The following ADAMTSL1 variants were observed in gnomAD, a reference collection of about 807,000 sequenced individuals.
ADAMTSL1 encodes ADAMTS-like protein 1.
A neutral mutation model predicts 201.8 loss-of-function variants in ADAMTSL1; 126 were observed. The ratio of observed to expected loss-of-function variants is 0.62; its 90% CI spans 0.54 to 0.72. ADAMTSL1 has a LOEUF of 0.72. ADAMTSL1 is among the 30% of genes least tolerant of loss of function. The probability of loss-of-function intolerance (pLI) is 0.00; values close to 1 mark genes in which losing one functional copy is unlikely to be tolerated. For synonymous variants in ADAMTSL1, 1,121 were observed against 903.4 expected (o/e 1.24, Z -4.32); for missense variants, 2,679 against 2,277.8 (o/e 1.18, Z -3.59).
At chr9:18,407,587 T>G (rs762948268) in intron 2 of ADAMTSL1, among the ~76,000 whole-genome samples, 2 of 151,870 alleles carry the variant, frequency 1.3e-5, no homozygotes, top group Non-Finnish European at 2.9e-5. Flanking sequence ...GAAGAGAAAA[T>G]TCCAAGAATA....
intron 23 of ADAMTSL1, among the ~76,000 whole-genome samples, chr9:18,881,147 C>T (rs954304910): frequency 3.9e-5 from 6 of 152,184 alleles, no homozygotes; most frequent in African/African-American, 1.4e-4. Context: ...AAACTTTCTT[C>T]GTATCAGCAA....
intron 1 of ADAMTSL1, among the ~76,000 whole-genome samples, chr9:17,999,287 G>A (rs903266933): frequency 6.6e-6 from 1 of 151,908 alleles, no homozygotes; most frequent in African/African-American, 2.4e-5. Flanking sequence ...GTTTAGACCA[G>A]AGGCTAGAAC....
intron 1 of ADAMTSL1, among the ~76,000 whole-genome samples, chr9:17,953,044 T>TC (rs924465299): frequency 1.3e-5 from 2 of 151,740 alleles, no homozygotes; most frequent in African/African-American, 4.8e-5. Context: ...TTTTTTTTTT[T>TC]TGGAATCACA....
At chr9:18,338,828 A>G (rs71506873) in intron 2 of ADAMTSL1, among the ~76,000 whole-genome samples, 13,342 of 151,934 alleles carry the variant, frequency 0.088, 765 homozygotes, top group East Asian at 0.23. Context: ...CTTTGTGTCC[A>G]TATGTACTCA....
At chr9:18,153,768 G>C (rs1827025580) in intron 1 of ADAMTSL1, among the ~76,000 whole-genome samples, 1 of 151,932 alleles carries the variant, frequency 6.6e-6, no homozygotes, top group African/African-American at 2.4e-5. Flanking sequence ...AACATGTATA[G>C]AATAACACAG....
At chr9:18,686,052 G>A (rs1464229156) in intron 13 of ADAMTSL1, among the ~76,000 whole-genome samples, 1 of 151,888 alleles carries the variant, frequency 6.6e-6, no homozygotes, top group African/African-American at 2.4e-5. Context: ...CCGAGTAGCT[G>A]GGACTACAGG....
chr9:18,461,509 C>T (rs1820805591), intron 2 of ADAMTSL1, among the ~76,000 whole-genome samples: 8 of 152,008 alleles, frequency 5.3e-5, no homozygotes, highest in Admixed American at 5.2e-4. Flanking sequence ...TAGACATGTT[C>T]AATATGTCAT....
chr9:18,008,849 C>A (rs912957209), intron 1 of ADAMTSL1, among the ~76,000 whole-genome samples: 3 of 151,914 alleles, frequency 2.0e-5, no homozygotes, highest in African/African-American at 7.2e-5. Context: ...ACAGGAGATT[C>A]AGAACTGATT....
chr9:18,807,468 C>G (rs1260217623), intron 20 of ADAMTSL1, among the ~76,000 whole-genome samples: 2 of 151,882 alleles, frequency 1.3e-5, no homozygotes, highest in Admixed American at 6.6e-5. Context: ...CACGGTGAAA[C>G]CCCGTCTCTA....
At chr9:18,013,334 G>C (rs1820130655) in intron 1 of ADAMTSL1, among the ~76,000 whole-genome samples, 2 of 152,048 alleles carry the variant, frequency 1.3e-5, no homozygotes, top group South Asian at 4.1e-4. Context: ...CTTTTTTAAT[G>C]GTCAGGAGGA....
intron 11 of ADAMTSL1, 109 bp from the exon 12 acceptor site, chr9:18,681,703 G>GGGT (rs1554728690): frequency 1.4e-6 from 1 of 710,278 alleles, no homozygotes; most frequent in Non-Finnish European, 2.0e-6. Context: ...CGTGTGGGGG[G>GGGT]GGGGGGCGGG....
chr9:18,566,724 A>G (rs1363447081), intron 3 of ADAMTSL1, among the ~76,000 whole-genome samples: 1 of 152,132 alleles, frequency 6.6e-6, no homozygotes, highest in Non-Finnish European at 1.5e-5. Flanking sequence ...GACTGGAGCT[A>G]AGTGAGCAAG....
chr9:18,719,035 T>A (rs1377650058), intron 14 of ADAMTSL1, among the ~76,000 whole-genome samples: 1 of 152,216 alleles, frequency 6.6e-6, no homozygotes, highest in African/African-American at 2.4e-5. Context: ...ACCTTAATAA[T>A]ACTAGACTAT....
intron 2 of ADAMTSL1, among the ~76,000 whole-genome samples, chr9:18,531,394 G>A (rs1475020779): frequency 6.6e-6 from 1 of 152,236 alleles, no homozygotes. Flanking sequence ...AATGGGACAT[G>A]CAGGACTTGA....
intron 23 of ADAMTSL1, among the ~76,000 whole-genome samples, chr9:18,879,485 C>G (rs1419799715): frequency 1.3e-5 from 2 of 152,164 alleles, no homozygotes; most frequent in Admixed American, 1.3e-4. Context: ...CAGTTACAGA[C>G]CACTGCAATA....
At chr9:18,346,259 C>G (rs1020343313) in intron 2 of ADAMTSL1, among the ~76,000 whole-genome samples, 7 of 152,142 alleles carry the variant, frequency 4.6e-5, no homozygotes, top group Non-Finnish European at 1.0e-4. Context: ...TATTAATGTT[C>G]CTAGACACTG....
chr9:18,306,430 G>A (rs1006978305), intron 2 of ADAMTSL1, among the ~76,000 whole-genome samples: 16 of 152,114 alleles, frequency 1.1e-4, no homozygotes, highest in African/African-American at 3.1e-4. Flanking sequence ...CCAATGCAAG[G>A]AAGCTAAGAA....
intron 1 of ADAMTSL1, among the ~76,000 whole-genome samples, chr9:18,103,709 G>C (rs555988800): frequency 3.3e-5 from 5 of 152,074 alleles, no homozygotes; most frequent in Non-Finnish European, 7.4e-5. Flanking sequence ...TGTCATATGA[G>C]GAATTTTTTT....
intron 2 of ADAMTSL1, among the ~76,000 whole-genome samples, chr9:18,465,303 C>G (rs1249684099): frequency 1.3e-5 from 2 of 152,208 alleles, no homozygotes; most frequent in South Asian, 4.1e-4. Context: ...TCCTGCCACC[C>G]TGTATTGCTT....
Sources: gnomAD v4.1 joint callset for allele counts (sites outside exome capture counted in the v4.1 genomes callset) on GRCh38, gnomAD v4.1.1 for gene constraint, MANE v1.5 for transcripts, NCBI Gene and HGNC (gene_info 2026-07-23, HGNC 2026-07-21) for gene names.